The following SHROOM3 variants were observed in gnomAD, a reference collection of about 807,000 sequenced individuals.
SHROOM3 encodes protein Shroom3.
SHROOM3 carries 47 observed loss-of-function variants against 138.6 expected under a neutral mutation model. That is an observed-to-expected ratio of 0.34 (90% confidence interval 0.27 to 0.43). The LOEUF (loss-of-function observed/expected upper bound fraction) is 0.43. Among genes scored for constraint, SHROOM3 ranks in the 20% least tolerant of loss-of-function variants. The probability of loss-of-function intolerance (pLI) is 1.00; values close to 1 mark genes in which losing one functional copy is unlikely to be tolerated. For missense variants in SHROOM3, 2,491 were observed against 2,596.5 expected (o/e 0.96, Z 0.88); for synonymous variants, 1,062 against 1,063.3 (o/e 1.00, Z 0.02).
At chr4:76,553,439 C>A (rs1334465505) in intron 1 of SHROOM3, among the ~76,000 whole-genome samples, 1 of 152,126 alleles carries the variant, frequency 6.6e-6, no homozygotes, top group African/African-American at 2.4e-5. Flanking sequence ...CCACACTCAG[C>A]TAATTTTTGT....
chr4:76,641,358 A>T (rs1236395874), intron 2 of SHROOM3, among the ~76,000 whole-genome samples: 2 of 152,088 alleles, frequency 1.3e-5, no homozygotes, highest in Non-Finnish European at 2.9e-5. Context: ...AGCCCATTCA[A>T]TCCCACAGAG....
At chr4:76,441,922 A>G (rs552890309) in intron 1 of SHROOM3, among the ~76,000 whole-genome samples, 3 of 152,098 alleles carry the variant, frequency 2.0e-5, no homozygotes, top group African/African-American at 4.8e-5. Flanking sequence ...GGGTTTCTCT[A>G]TGTTGGTGAG....
chr4:76,556,124 G>C (rs912692610), intron 2 of SHROOM3, among the ~76,000 whole-genome samples: 1 of 152,070 alleles, frequency 6.6e-6, no homozygotes, highest in African/African-American at 2.4e-5. Context: ...AAAGAAATTG[G>C]CTTGGAGCTT....
intron 2 of SHROOM3, among the ~76,000 whole-genome samples, chr4:76,688,075 C>A (rs1719392043): frequency 2.0e-5 from 3 of 152,200 alleles, no homozygotes. Context: ...CCTCCCTCTC[C>A]CCCAAACAAG....
chr4:76,754,944 C>T lies in SHROOM3; in HGVS notation c.4461C>T (p.Leu1487=). 1 of 1,614,222 alleles carries T rather than the reference C, an allele frequency of 6.2e-7. No individual in the cohort carries two copies. The highest frequency in any genetic ancestry group is 8.5e-7 in the Non-Finnish European group (1 of 1,180,026). ...CGAGCACTCCAGGGAGGATCTCCCT[C>T]CGAATATCTGAGTCTGTCCTGCGGG... is the stretch of plus-strand genomic sequence containing the variant. ...GAPSTPGRIS[L]RISESVLRDS... is the part of the protein sequence containing the mutation. The change falls in exon 7 of 11, where the codon CTC becomes CTT. Residue 1487 remains leucine (L), a synonymous_variant. Coordinates refer to ENST00000296043, the MANE Select transcript of SHROOM3 (RefSeq NM_020859.4).
At chr4:76,707,751 C>T (rs956621485) in intron 2 of SHROOM3, among the ~76,000 whole-genome samples, 1 of 152,018 alleles carries the variant, frequency 6.6e-6, no homozygotes, top group Admixed American at 6.6e-5. Flanking sequence ...CATGCCAGGA[C>T]TATTTTCCAC....
At chr4:76,475,421 G>C (rs1731466125) in intron 1 of SHROOM3, among the ~76,000 whole-genome samples, 2 of 152,176 alleles carry the variant, frequency 1.3e-5, no homozygotes, top group Non-Finnish European at 2.9e-5. Flanking sequence ...AAATTAACCT[G>C]CCATAGTTTC....
intron 2 of SHROOM3, among the ~76,000 whole-genome samples, chr4:76,601,544 G>A (rs531802587): frequency 3.3e-5 from 5 of 151,826 alleles, no homozygotes; most frequent in South Asian, 4.2e-4. Context: ...TTTATTTATC[G>A]TCCAGGCTGC....
At chr4:76,585,618 G>A (rs1734137395) in intron 2 of SHROOM3, among the ~76,000 whole-genome samples, 1 of 152,236 alleles carries the variant, frequency 6.6e-6, no homozygotes, top group East Asian at 1.9e-4. Context: ...TACAAAGGCG[G>A]GCTGCATCGC....
chr4:76,582,347 T>C (rs1734068931), intron 2 of SHROOM3, among the ~76,000 whole-genome samples: 1 of 152,060 alleles, frequency 6.6e-6, no homozygotes, highest in Non-Finnish European at 1.5e-5. Context: ...TAGAGAATAG[T>C]TTAACTGTTA....
At chr4:76,503,925 C>T (rs1215784047) in intron 1 of SHROOM3, among the ~76,000 whole-genome samples, 1 of 152,114 alleles carries the variant, frequency 6.6e-6, no homozygotes, top group Non-Finnish European at 1.5e-5. Flanking sequence ...CTTAAGATGT[C>T]CAACCCTGTT....
At chr4:76,457,310 TA>T (rs1731047373) in intron 1 of SHROOM3, among the ~76,000 whole-genome samples, 2 of 152,002 alleles carry the variant, frequency 1.3e-5, no homozygotes, top group Non-Finnish European at 2.9e-5. Flanking sequence ...TCTGGTTGTT[TA>T]AAAGTGTGCA....
At chr4:76,688,801 T>A in intron 2 of SHROOM3, 1 of 985,342 alleles carries the variant, frequency 1.0e-6, no homozygotes, top group Non-Finnish European at 1.2e-6. Context: ...ACCGAAAGAA[T>A]CACGTCTCTT....
intron 2 of SHROOM3, among the ~76,000 whole-genome samples, chr4:76,585,929 G>A (rs1006325528): frequency 2.6e-5 from 4 of 152,184 alleles, no homozygotes; most frequent in Non-Finnish European, 5.9e-5. Context: ...AGCTGCCGAC[G>A]CTGTGTTCTT....
chr4:76,729,284 A>G (rs1396753314), intron 3 of SHROOM3, among the ~76,000 whole-genome samples: 2 of 152,246 alleles, frequency 1.3e-5, no homozygotes, highest in Admixed American at 1.3e-4. Flanking sequence ...ACCCTTAGCT[A>G]CATTCCAGCC....
intron 1 of SHROOM3, 152 bp downstream of exon 1, chr4:76,436,372 T>A: frequency 1.1e-6 from 1 of 910,138 alleles, no homozygotes; most frequent in East Asian, 2.6e-5. Flanking sequence ...TTGGATAGCC[T>A]GGGATTTGAA....
intron 1 of SHROOM3, among the ~76,000 whole-genome samples, chr4:76,440,175 C>T (rs1209836999): frequency 2.0e-5 from 3 of 152,190 alleles, no homozygotes; most frequent in Middle Eastern, 3.2e-3. Flanking sequence ...TGTGATGTTC[C>T]AGGCTCTATT....
rs188747364 is a variant in SHROOM3, at chr4:76,484,446, C to T, written c.168+48226C>T. On this transcript the variant is annotated intron_variant, in intron 1 of 10. Transcript: ENST00000296043. ...ATTTGCCAGGCATGGTGTCTCACAC[C>T]TGTAGTCCCAGCTACTTGGGAGGCT... Among the ~76,000 whole-genome samples, 338 of 152,128 alleles carry T rather than the reference C, an allele frequency of 2.2e-3. 2 individuals are homozygous for T. The highest frequency in any genetic ancestry group is 3.8e-3 in the Non-Finnish European group (259 of 68,006).
intron 2 of SHROOM3, among the ~76,000 whole-genome samples, chr4:76,616,562 A>T (rs1220575480): frequency 6.6e-6 from 1 of 152,202 alleles, no homozygotes; most frequent in Non-Finnish European, 1.5e-5. Context: ...ATACTAAGTG[A>T]AATAAGCCAG....
Sources: gnomAD v4.1 joint callset for allele counts (sites outside exome capture counted in the v4.1 genomes callset) on GRCh38, gnomAD v4.1.1 for gene constraint, MANE v1.5 for transcripts, NCBI Gene and HGNC (gene_info 2026-07-23, HGNC 2026-07-21) for gene names.